Variants in GALM observed in about 807,000 individuals in gnomAD.
GALM encodes aldose 1-epimerase.
GALM carries 43 observed loss-of-function variants against 37.4 expected under a neutral mutation model. The observed-to-expected ratio is 1.15, with a 90% CI of 0.90 to 1.48. The LOEUF is 1.48. Ranked by LOEUF, GALM falls within the 40% of genes most tolerant of loss-of-function variation. GALM has a pLI of 0.00. For synonymous variants in GALM, 199 were observed against 170.6 expected, an observed-to-expected ratio of 1.17 and a Z score of -1.30; for missense variants, 456 against 419.1, an observed-to-expected ratio of 1.09 and a Z score of -0.77.
chr2:38,667,232 T>C (rs186898294), intron 1 of GALM, among the ~76,000 whole-genome samples: 1 of 152,290 alleles, frequency 6.6e-6, no homozygotes, highest in East Asian at 1.9e-4. Context: ...GTTAATACTC[T>C]CTGCTCAGTG....
intron 4 of GALM, among the ~76,000 whole-genome samples, chr2:38,716,231 A>G (rs763426762): frequency 2.0e-5 from 3 of 152,260 alleles, no homozygotes; most frequent in Admixed American, 6.5e-5. Context: ...ATTTGCTCAG[A>G]TTAAGACCAG....
rs796269044 is a variant in GALM, at chr2:38,694,911, AAC to A, written c.634+5019_634+5020del. On this transcript the variant is annotated intron_variant, in intron 4 of 6. Transcript: ENST00000272252. Reference sequence around the variant, plus strand: ...GACTCCGTCTCAAAAAAAAAAAAAAAACAAAAAAAGAAAGGGAAAGTCAAGGG... The same window carrying A: ...GACTCCGTCTCAAAAAAAAAAAAAAAAAAAAAAGAAAGGGAAAGTCAAGGG... Among the ~76,000 whole-genome samples, 315 of 150,384 alleles carry A rather than the reference AAC, an allele frequency of 2.1e-3. 6 individuals carry two copies. Among genetic ancestry groups the A allele is most frequent in the African/African-American group, 7.3e-3 (295 of 40,570 alleles).
In GALM at chr2:38,704,171, C is replaced by T. The variant is rs531300120; in HGVS notation, c.634+14277C>T. 4.0e-5 allele frequency among the ~76,000 whole-genome samples: 6 copies of T among 151,586 alleles called. No homozygotes were observed. In the East Asian group the frequency reaches 1.2e-3, roughly 29 times the overall value. On this transcript the variant is annotated intron_variant, in intron 4 of 6. Transcript: ENST00000272252. Reference sequence around the variant, plus strand: ...TCAAAGTAATGATAGTCTATGGTTGCCCTACTATGTATTCTCTTTTTATTA... The same window carrying T: ...TCAAAGTAATGATAGTCTATGGTTGTCCTACTATGTATTCTCTTTTTATTA...
chr2:38,728,416 G>C (rs1666530063), intron 4 of GALM, among the ~76,000 whole-genome samples: 1 of 149,536 alleles, frequency 6.7e-6, no homozygotes, highest in Non-Finnish European at 1.5e-5. Flanking sequence ...TTTTTTTTTG[G>C]CTGGGTGCAG....
chr2:38,680,162 G>A, intron 2 of GALM: 1 of 400,626 alleles, frequency 2.5e-6, no homozygotes, highest in South Asian at 1.7e-5. Context: ...AGGACTACAG[G>A]TATGCACCAC....
At position 38,666,177 on chromosome 2, in the gene GALM, A is replaced by C; in HGVS notation, c.16A>C (p.Arg6=). The change falls in exon 1 of 7, where the codon AGG becomes CGG. Residue 6 remains arginine (R), a synonymous_variant. Coordinates refer to ENST00000272252, the MANE Select transcript of GALM (RefSeq NM_138801.3). ...AACTTTCCCTATGGCTTCGGTGACC[A>C]GGGCCGTGTTTGGAGAGCTGCCCTC... MASVT[R]AVFGELPSGG... is the part of the protein sequence containing the mutation. 6.2e-7 allele frequency: 1 copy of C among 1,612,706 alleles called. No homozygotes were observed. The highest frequency in any genetic ancestry group is 8.5e-7 in the Non-Finnish European group (1 of 1,179,236).
chr2:38,718,269 G>A (rs182469019), intron 4 of GALM, among the ~76,000 whole-genome samples: 3 of 143,648 alleles, frequency 2.1e-5, no homozygotes, highest in African/African-American at 5.2e-5. Flanking sequence ...GCGCAATCTC[G>A]GCCCACTGCA....
At chr2:38,724,839 T>G (rs1666454366) in intron 4 of GALM, among the ~76,000 whole-genome samples, 1 of 152,248 alleles carries the variant, frequency 6.6e-6, no homozygotes, top group South Asian at 2.1e-4. Context: ...AATATTTCCA[T>G]GTAATGTGGC....
At chr2:38,730,026 G>C (rs948037476) in intron 5 of GALM, among the ~76,000 whole-genome samples, 2 of 152,114 alleles carry the variant, frequency 1.3e-5, no homozygotes, top group African/African-American at 4.8e-5. Context: ...GAGCCTTTGT[G>C]CTTTCTCGAT....
intron 4 of GALM, among the ~76,000 whole-genome samples, chr2:38,725,638 A>G (rs1325463535): frequency 1.3e-5 from 2 of 152,300 alleles, no homozygotes; most frequent in East Asian, 1.9e-4. Context: ...TCACTTGAGC[A>G]TAGCAGGACC....
At chr2:38,712,594 C>CAGTT (rs1279271581) in intron 4 of GALM, among the ~76,000 whole-genome samples, 1 of 152,112 alleles carries the variant, frequency 6.6e-6, no homozygotes, top group Non-Finnish European at 1.5e-5. Flanking sequence ...CGATAATGAC[C>CAGTT]AGTTAATCCC....
At chr2:38,686,417 C>G (rs577150919) in intron 3 of GALM, among the ~76,000 whole-genome samples, 10 of 151,898 alleles carry the variant, frequency 6.6e-5, no homozygotes, top group Admixed American at 2.6e-4. Flanking sequence ...AGGCGCCCAC[C>G]ACCATGCCCA....
chr2:38,692,481 G>C (rs1006156989), intron 4 of GALM, among the ~76,000 whole-genome samples: 1 of 152,060 alleles, frequency 6.6e-6, no homozygotes, highest in African/African-American at 2.4e-5. Context: ...GAATCCCTAG[G>C]CTCAAGCAAT....
intron 5 of GALM, 136 bp from the exon 6 acceptor site, chr2:38,731,599 T>G (rs1304155868): frequency 1.5e-6 from 1 of 687,808 alleles, no homozygotes; most frequent in African/African-American, 1.8e-5. Flanking sequence ...ATGCTCTTCC[T>G]ACCTTCATCT....
At chr2:38,678,261 C>T (rs943754703) in intron 2 of GALM, among the ~76,000 whole-genome samples, 2 of 152,116 alleles carry the variant, frequency 1.3e-5, no homozygotes, top group African/African-American at 2.4e-5. Context: ...TCACCCACCT[C>T]GGCCTCCCAA....
chr2:38,722,040 A>ACCCC (rs1178141610), intron 4 of GALM, among the ~76,000 whole-genome samples: 2 of 53,434 alleles, frequency 3.7e-5, no homozygotes, highest in African/African-American at 6.0e-5. Context: ...TCCCCCCCCC[A>ACCCC]CCCCCCCCCC....
intron 4 of GALM, among the ~76,000 whole-genome samples, chr2:38,703,731 G>C (rs1192026032): frequency 6.6e-6 from 1 of 152,106 alleles, no homozygotes; most frequent in African/African-American, 2.4e-5. Context: ...TAAAATCCAA[G>C]GCTGGGCGTG....
At chr2:38,673,649 A>G (rs1197628433) in intron 1 of GALM, among the ~76,000 whole-genome samples, 1 of 152,090 alleles carries the variant, frequency 6.6e-6, no homozygotes, top group African/African-American at 2.4e-5. Flanking sequence ...TCTCTACTAA[A>G]AATACAAAAA....
intron 4 of GALM, among the ~76,000 whole-genome samples, chr2:38,728,583 G>A (rs991803976): frequency 6.6e-6 from 1 of 152,066 alleles, no homozygotes; most frequent in Non-Finnish European, 1.5e-5. Context: ...TACTCATGAG[G>A]CTGAGACAGA....
Sources: gnomAD v4.1 joint callset for allele counts (sites outside exome capture counted in the v4.1 genomes callset) on GRCh38, gnomAD v4.1.1 for gene constraint, MANE v1.5 for transcripts, NCBI Gene and HGNC (gene_info 2026-07-23, HGNC 2026-07-21) for gene names.